The following PADI2 variants were observed in gnomAD, a reference collection of about 807,000 sequenced individuals.
PADI2 encodes protein-arginine deiminase type-2.
In PADI2, 70 loss-of-function variants were observed where a neutral mutation model predicts 81.1. The observed-to-expected ratio is 0.86, with a 90% CI of 0.71 to 1.05. The LOEUF (loss-of-function observed/expected upper bound fraction) is 1.05, where lower values mean the gene tolerates loss of function less well. Among genes scored for constraint, PADI2 ranks in the 50% least tolerant of loss-of-function variants. The probability of loss-of-function intolerance (pLI) is 0.00; values close to 1 mark genes in which losing one functional copy is unlikely to be tolerated. For missense variants in PADI2, 853 were observed against 889.9 expected (o/e 0.96, Z 0.53); for synonymous variants, 338 against 358.0 (o/e 0.94, Z 0.63).
At chr1:17,096,701 G>T (rs1930945255) in intron 3 of PADI2, among the ~76,000 whole-genome samples, 1 of 152,222 alleles carries the variant, frequency 6.6e-6, no homozygotes, top group Non-Finnish European at 1.5e-5. Context: ...GTAGGGAAGT[G>T]AAAAGGTTTA....
chr1:17,070,081 G>T lies in PADI2; in HGVS notation c.1764+7C>A, dbSNP rs1428706436. 2 of 1,613,358 alleles carry T rather than the reference G, an allele frequency of 1.2e-6. No homozygotes were observed. The highest frequency in any genetic ancestry group is 2.2e-5 in the East Asian group (1 of 44,886). On this transcript the variant is annotated splice_region_variant and intron_variant, in intron 15 of 15. Coordinates refer to ENST00000375486, the MANE Select transcript of PADI2 (RefSeq NM_007365.3). ...TGGGGCGAGGGTTGGGGTCTGCAGG[G>T]CCTCACCATGTTTGGGAAGAAGGCT...
At chr1:17,085,293 C>T (rs888853022) in intron 7 of PADI2, among the ~76,000 whole-genome samples, 1 of 152,170 alleles carries the variant, frequency 6.6e-6, no homozygotes, top group Non-Finnish European at 1.5e-5. Flanking sequence ...CTTTGTGGGG[C>T]TGGCTTTCAA....
At chr1:17,097,036 G>A (rs1930960961) in intron 3 of PADI2, among the ~76,000 whole-genome samples, 1 of 152,208 alleles carries the variant, frequency 6.6e-6, no homozygotes, top group Non-Finnish European at 1.5e-5. Flanking sequence ...AGGCGAAATT[G>A]CCTTGAGTTG....
At chr1:17,113,937 G>C (rs2100220931) in intron 1 of PADI2, among the ~76,000 whole-genome samples, 1 of 152,326 alleles carries the variant, frequency 6.6e-6, no homozygotes, top group Non-Finnish European at 1.5e-5. Context: ...ATGAGGGAAG[G>C]TCTCAGGGAC....
intron 9 of PADI2, 91 bp downstream of exon 9, chr1:17,083,635 C>T: frequency 1.3e-6 from 1 of 776,632 alleles, no homozygotes; most frequent in Non-Finnish European, 2.3e-6. Flanking sequence ...ATCTGCAGAG[C>T]TGCTGGGTGC....
intron 1 of PADI2, among the ~76,000 whole-genome samples, chr1:17,118,256 C>T (rs1931823471): frequency 6.6e-6 from 1 of 152,114 alleles, no homozygotes; most frequent in South Asian, 2.1e-4. Flanking sequence ...ATAGGGGACT[C>T]ATCCGGTGTC....
rs781051473 is a variant in PADI2, at chr1:17,069,105, T to C, written c.1937A>G (p.His646Arg). The part of the protein sequence containing the change: ...SAYHKFLGEV[H>R]CGTNVRRKPF... ...CTTCCTGCGGACGTTGGTGCCACAG[T>C]GGACTTCCCCCAGAAATTTGTGGTA... The change falls in exon 16 of 16, where the codon CAC becomes CGC. Residue 646 changes from histidine (H) to arginine (R), a missense_variant. Physicochemically the swap from His to Arg is conservative, Grantham distance 29 (BLOSUM62 0). Transcript: ENST00000375486. 5.6e-6 allele frequency: 9 copies of C among 1,614,182 alleles called. No homozygotes were observed. In the South Asian group the frequency reaches 9.9e-5, roughly 18 times the overall value.
intron 12 of PADI2, 25 bp from the exon 13 acceptor site, chr1:17,074,974 A>G (rs997929188): frequency 6.5e-7 from 1 of 1,537,070 alleles, no homozygotes; most frequent in Non-Finnish European, 9.0e-7. Context: ...CCAGAGGGAC[A>G]GAGTCAGCAG....
rs1014843010 is a variant in PADI2, at chr1:17,104,241, G to A, written c.276+637C>T. Among the ~76,000 whole-genome samples the A allele has an allele frequency of 2.0e-5, 3 of 151,450 alleles. 1 individual carries two copies. Among genetic ancestry groups the A allele is most frequent in the Admixed American group, 2.0e-4 (3 of 15,214 alleles). ...GGAGGTGGAGCTTGCAGTGAGCCGA[G>A]ATCGCATCACTGCACTCCAGCCTGG... On this transcript the variant is annotated intron_variant, in intron 2 of 15. Coordinates refer to ENST00000375486, the MANE Select transcript of PADI2 (RefSeq NM_007365.3).
chr1:17,112,459 C>G (rs1421056204), intron 1 of PADI2, among the ~76,000 whole-genome samples: 3 of 152,128 alleles, frequency 2.0e-5, no homozygotes, highest in Non-Finnish European at 4.4e-5. Context: ...GGCTCATCCC[C>G]AGAGTGACCC....
At chr1:17,106,303 C>T (rs1283464038) in intron 1 of PADI2, among the ~76,000 whole-genome samples, 1 of 152,196 alleles carries the variant, frequency 6.6e-6, no homozygotes, top group African/African-American at 2.4e-5. Context: ...TGGATGTGAT[C>T]TGGCTGCTGT....
At position 17,090,114 on chromosome 1, in the gene PADI2, A is replaced by G. The variant is rs544686685; in HGVS notation, c.655+2294T>C. 3.3e-5 allele frequency among the ~76,000 whole-genome samples: 5 copies of G among 152,276 alleles called. No homozygotes were observed. In the East Asian group the frequency reaches 9.6e-4, roughly 29 times the overall value. ...GCTAAGGCCGTTACCAGGTCTTCCT[A>G]GGAGCACTGAAGCCTTCTGTCCACT... On this transcript the variant is annotated intron_variant, in intron 6 of 15. Transcript: ENST00000375486.
chr1:17,070,304 GC>G, intron 14 of PADI2, 88 bp from the exon 15 acceptor site: 1 of 1,556,254 alleles, frequency 6.4e-7, no homozygotes. Flanking sequence ...GCAGCACCAG[GC>G]CAGGGGCCCC....
intron 6 of PADI2, among the ~76,000 whole-genome samples, chr1:17,091,253 T>C (rs986258917): frequency 6.8e-6 from 1 of 146,570 alleles, no homozygotes; most frequent in Admixed American, 6.9e-5. Flanking sequence ...TGTCTAGAGG[T>C]GGGTTCGGGG....
chr1:17,086,963 C>T (rs1454990303), intron 6 of PADI2, among the ~76,000 whole-genome samples: 1 of 152,194 alleles, frequency 6.6e-6, no homozygotes, highest in Non-Finnish European at 1.5e-5. Context: ...CAAGCTCTCT[C>T]GTGAACGGCT....
chr1:17,111,573 T>G (rs914210881), intron 1 of PADI2, among the ~76,000 whole-genome samples: 1 of 150,758 alleles, frequency 6.6e-6, no homozygotes, highest in Non-Finnish European at 1.5e-5. Context: ...ATTACACCAT[T>G]GCAGTGCTGA....
At chr1:17,107,360 G>A (rs967850402) in intron 1 of PADI2, among the ~76,000 whole-genome samples, 1 of 152,224 alleles carries the variant, frequency 6.6e-6, no homozygotes, top group African/African-American at 2.4e-5. Flanking sequence ...GGCAGAGGCT[G>A]AGGGTGCTGG....
intron 3 of PADI2, among the ~76,000 whole-genome samples, chr1:17,098,478 A>G (rs1931023877): frequency 6.6e-6 from 1 of 152,238 alleles, no homozygotes; most frequent in Non-Finnish European, 1.5e-5. Context: ...TAGTACAAAC[A>G]AAATCAAATA....
At chr1:17,107,949 C>CTTTTTTTTTTT (rs565293543) in intron 1 of PADI2, among the ~76,000 whole-genome samples, 6 of 140,168 alleles carry the variant, frequency 4.3e-5, no homozygotes, top group Non-Finnish European at 6.2e-5. Context: ...GCATCCATCA[C>CTTTTTTTTTTT]TTTTTTTTTT....
Sources: allele counts gnomAD v4.1 joint callset (sites outside exome capture counted in the v4.1 genomes callset), GRCh38; gene constraint gnomAD v4.1.1; transcripts MANE v1.5; gene names NCBI Gene and HGNC (gene_info 2026-07-23, HGNC 2026-07-21).